Variants in TSPAN12 observed in about 807,000 individuals in gnomAD.
TSPAN12 encodes the protein tetraspanin-12.
Under a neutral mutation model 39.2 loss-of-function variants are expected in TSPAN12, and 19 were observed. The ratio of observed to expected loss-of-function variants is 0.49; its 90% CI spans 0.34 to 0.71. The LOEUF is 0.71. TSPAN12 is among the 30% of genes least tolerant of loss of function. The pLI is 0.01. For missense variants in TSPAN12, 314 were observed against 359.9 expected (o/e 0.87, Z 1.03); for synonymous variants, 119 against 124.8 (o/e 0.95, Z 0.31).
At chr7:120,806,737 T>C in intron 6 of TSPAN12, 45 bp from the exon 7 acceptor site, 2 of 1,611,416 alleles carry the variant, frequency 1.2e-6, no homozygotes, top group Non-Finnish European at 8.5e-7. Flanking sequence ...ACAAAAATAT[T>C]TTCTTAACTT....
At chr7:120,835,322 A>G (rs2116453423) in intron 4 of TSPAN12, among the ~76,000 whole-genome samples, 1 of 152,320 alleles carries the variant, frequency 6.6e-6, no homozygotes, top group Non-Finnish European at 1.5e-5. Flanking sequence ...GACTTGTGGC[A>G]TATTACTGAC....
intron 7 of TSPAN12, among the ~76,000 whole-genome samples, chr7:120,797,661 A>G (rs895133935): frequency 3.9e-5 from 6 of 152,218 alleles, no homozygotes; most frequent in Non-Finnish European, 8.8e-5. Flanking sequence ...CACTCCCTTC[A>G]GTAAATGGCT....
rs1183024829 is a variant in TSPAN12, at chr7:120,856,746, G to C, written c.18C>G (p.Ser6=). Residue 6 remains serine, a synonymous_variant, in exon 2 of 8, where the codon TCC becomes TCG. Coordinates refer to ENST00000222747, the MANE Select transcript of TSPAN12 (RefSeq NM_012338.4). MARED[S]VKCLRCLLYA... ...AGAGCAGGCAGCGCAGACACTTCAC[G>C]GAATCTTCTCTGGCCATTGTGAGCC... is the stretch of plus-strand genomic sequence containing the variant. 1 of 1,614,034 alleles carries C rather than the reference G, an allele frequency of 6.2e-7. No individual in the cohort carries two copies. Among genetic ancestry groups the C allele is most frequent in the African/African-American group, 1.3e-5 (1 of 74,922 alleles).
intron 2 of TSPAN12, among the ~76,000 whole-genome samples, chr7:120,851,640 A>C (rs1794770920): frequency 6.6e-6 from 1 of 152,232 alleles, no homozygotes; most frequent in Admixed American, 6.5e-5. Flanking sequence ...AAAATGGTAG[A>C]AAGCTCTCAT....
In TSPAN12 at chr7:120,788,745, C is replaced by T. The variant is rs41623; in HGVS notation, c.765G>A (p.Pro255=). 4 of 1,613,830 alleles carry T rather than the reference C, an allele frequency of 2.5e-6. No homozygotes were observed. Among genetic ancestry groups the T allele is most frequent in the East Asian group, 2.2e-5 (1 of 44,878 alleles). ...TCAAGGACATCATTTGGTCTGTCCC[C>T]GGCTCCCTTCTATCATAATACAGAG... ...LWALYYDRRE[P]GTDQMMSLKN... The change falls in exon 8 of 8, where the codon CCG becomes CCA. Residue 255 remains proline (P), a synonymous_variant. Coordinates refer to ENST00000222747, the MANE Select transcript of TSPAN12 (RefSeq NM_012338.4).
chr7:120,787,321 T>A lies in TSPAN12; in HGVS notation c.*1271A>T, dbSNP rs572110903. The A allele has an allele frequency of 5.9e-5, 9 of 152,698 alleles. No homozygotes were observed. In the East Asian group the frequency reaches 1.7e-3, roughly 29 times the overall value. The allele number at this position is 152,698 out of a possible 1,614,324, so 9.5% of individuals were successfully genotyped here. The stretch of plus-strand genomic sequence containing the variant: ...TAAAAAGTAGGCAGAGACAAATCAT[T>A]ACTCTCTAGAAAATATTTATTGACA... On this transcript the variant is annotated 3_prime_UTR_variant, in exon 8 of 8. Transcript: ENST00000222747.
In TSPAN12 at chr7:120,856,264, C is replaced by T. The variant is rs539554699; in HGVS notation, c.66+434G>A. On this transcript the variant is annotated intron_variant, in intron 2 of 7. Coordinates refer to ENST00000222747, the MANE Select transcript of TSPAN12 (RefSeq NM_012338.4). The stretch of plus-strand genomic sequence containing the variant: ...GTGAATTCCACCACCACCTCCCCCT[C>T]GTCCCCGCCCACAAAAAATATATTA... Among the ~76,000 whole-genome samples the T allele has an allele frequency of 7.9e-5, 12 of 152,210 alleles. No individual in the cohort carries two copies. The South Asian group carries it at 2.3e-3, about 29-fold the overall frequency.
chr7:120,820,402 C>T lies in TSPAN12; in HGVS notation c.286-4599G>A, dbSNP rs188433051. Among the ~76,000 whole-genome samples, 231 of 152,230 alleles carry T rather than the reference C, an allele frequency of 1.5e-3. 1 individual carries two copies. The highest frequency in any genetic ancestry group is 5.4e-3 in the African/African-American group (223 of 41,538). ...AAAATGGAAAGCGTTATAAAAAATG[C>T]TATTCTGTACTAGTTTGTGAAACAC... On this transcript the variant is annotated intron_variant, in intron 4 of 7. Transcript: ENST00000222747.
Position 120,788,489 on chromosome 7 carries a change from G to T in TSPAN12, c.*103C>A, listed in dbSNP as rs886061957. 26 of 1,416,432 alleles carry T rather than the reference G, an allele frequency of 1.8e-5. No homozygotes were observed. The highest frequency in any genetic ancestry group is 4.4e-4 in the Middle Eastern group (2 of 4,580). 87.7% of individuals were successfully genotyped at this position (1,416,432 alleles called of 1,614,324 possible). On this transcript the variant is annotated 3_prime_UTR_variant, in exon 8 of 8. Transcript: ENST00000222747. ...GTATATGCTTAGGTGTTATTTTATG[G>T]CAACATTTTTATTTCTACATATTTC...
chr7:120,836,619 T>C (rs551117485), intron 4 of TSPAN12, among the ~76,000 whole-genome samples: 2 of 152,296 alleles, frequency 1.3e-5, no homozygotes, highest in East Asian at 1.9e-4. Context: ...TTAGAGGTCT[T>C]ATCTCATAAA....
At chr7:120,841,776 G>A (rs944377032) in intron 2 of TSPAN12, among the ~76,000 whole-genome samples, 1 of 152,164 alleles carries the variant, frequency 6.6e-6, no homozygotes, top group African/African-American at 2.4e-5. Flanking sequence ...ATGACCGGTA[G>A]AAGTTAGGTG....
chr7:120,852,906 A>G (rs1477374669), intron 2 of TSPAN12, among the ~76,000 whole-genome samples: 2 of 152,212 alleles, frequency 1.3e-5, no homozygotes, highest in South Asian at 4.1e-4. Context: ...TGGGTCTATT[A>G]TGAGAACTAG....
At chr7:120,803,056 G>A (rs1793804828) in intron 7 of TSPAN12, among the ~76,000 whole-genome samples, 1 of 152,048 alleles carries the variant, frequency 6.6e-6, no homozygotes, top group African/African-American at 2.4e-5. Context: ...ATCTAGTCTG[G>A]ATTCATTCTT....
rs544537652 is a variant in TSPAN12, at chr7:120,790,387, A to G, written c.613-1490T>C. On this transcript the variant is annotated intron_variant, in intron 7 of 7. Coordinates refer to ENST00000222747, the MANE Select transcript of TSPAN12 (RefSeq NM_012338.4). The stretch of plus-strand genomic sequence containing the variant: ...GTGCTTACCTGTCTGAGATGTTGGG[A>G]GGATTAAATGCACAGACACATTTTA... Among the ~76,000 whole-genome samples, 7 of 152,330 alleles carry G rather than the reference A, an allele frequency of 4.6e-5. No homozygotes were observed. In the East Asian group the frequency reaches 1.3e-3, roughly 29 times the overall value.
chr7:120,812,072 T>G (rs1185146395), intron 5 of TSPAN12, among the ~76,000 whole-genome samples: 1 of 152,176 alleles, frequency 6.6e-6, no homozygotes, highest in African/African-American at 2.4e-5. Context: ...AAAAATAATT[T>G]AAAAAGAAAG....
intron 2 of TSPAN12, among the ~76,000 whole-genome samples, chr7:120,844,646 G>C (rs986106023): frequency 3.9e-5 from 6 of 152,230 alleles, no homozygotes; most frequent in African/African-American, 1.4e-4. Flanking sequence ...CTCACATCCA[G>C]GCAAAACTGA....
At chr7:120,815,890 G>A in intron 4 of TSPAN12, 87 bp from the exon 5 acceptor site, 2 of 1,249,838 alleles carry the variant, frequency 1.6e-6, no homozygotes, top group Non-Finnish European at 2.3e-6. Context: ...TTTACCTAGT[G>A]ACCAAGAAAA....
chr7:120,799,816 AT>A (rs1279947064), intron 7 of TSPAN12, among the ~76,000 whole-genome samples: 1 of 137,456 alleles, frequency 7.3e-6, no homozygotes, highest in Admixed American at 7.8e-5. Context: ...TATTATATTT[AT>A]TTTAATATAT....
At chr7:120,824,801 G>A (rs1794253874) in intron 4 of TSPAN12, among the ~76,000 whole-genome samples, 1 of 152,204 alleles carries the variant, frequency 6.6e-6, no homozygotes, top group South Asian at 2.1e-4. Flanking sequence ...AGACAAAAAA[G>A]CAATCTTCTC....
Sources: allele counts gnomAD v4.1 joint callset (sites outside exome capture counted in the v4.1 genomes callset), GRCh38; gene constraint gnomAD v4.1.1; transcripts MANE v1.5; gene names NCBI Gene and HGNC (gene_info 2026-07-23, HGNC 2026-07-21).